Variants in RIMS2 observed in about 807,000 individuals in gnomAD.
RIMS2 encodes the protein regulating synaptic membrane exocytosis protein 2.
A neutral mutation model predicts 174.4 loss-of-function variants in RIMS2; 59 were observed. The ratio of observed to expected loss-of-function variants is 0.34; its 90% CI spans 0.27 to 0.42. The LOEUF (loss-of-function observed/expected upper bound fraction) is 0.42, where lower values mean the gene tolerates loss of function less well. Ranked by LOEUF, RIMS2 falls within the 10% of genes least tolerant of loss-of-function variation. The pLI is 1.00. For missense variants in RIMS2, 1,620 were observed against 1,666.3 expected, an observed-to-expected ratio of 0.97 and a Z score of 0.48; for synonymous variants, 606 against 572.5, an observed-to-expected ratio of 1.06 and a Z score of -0.84.
chr8:103,510,284 T>G (rs1051292121), intron 1 of RIMS2, among the ~76,000 whole-genome samples: 1 of 152,166 alleles, frequency 6.6e-6, no homozygotes. Context: ...TTCATCTTGT[T>G]TTGTTGGCAT....
intron 1 of RIMS2, among the ~76,000 whole-genome samples, chr8:103,555,456 A>G (rs1849977615): frequency 6.6e-6 from 1 of 152,176 alleles, no homozygotes; most frequent in African/African-American, 2.4e-5. Context: ...AACAGTATGG[A>G]GGTTCCTCAA....
rs576828596 is a variant in RIMS2 at position 103,797,949 on chromosome 8, T to G, written c.698+31412T>G. Among the ~76,000 whole-genome samples the G allele has an allele frequency of 2.6e-5, 4 of 152,266 alleles. No individual in the cohort carries two copies. In the South Asian group the frequency reaches 8.3e-4, roughly 32 times the overall value. ...AAAGTATCCTGGGGTTGACAATAAA[T>G]TACATGGTCTTCCTATTCTTCTTTG... On this transcript the variant is annotated intron_variant, in intron 3 of 23. Transcript: ENST00000504942.
At chr8:104,250,707 ATAAAT>A (rs1300560556) in intron 22 of RIMS2, among the ~76,000 whole-genome samples, 5 of 152,318 alleles carry the variant, frequency 3.3e-5, no homozygotes, top group African/African-American at 1.2e-4. Flanking sequence ...TTAAGTATTG[ATAAAT>A]TAAAGACTGA....
chr8:104,228,319 T>C lies in RIMS2; in HGVS notation c.3335-16597T>C, dbSNP rs547674029. Reference sequence around the variant, plus strand: ...CTGAGATTACAGGCATGAGCCACCGTGCCCGGCCTAGCTTCACTCTTTAAG... The same window carrying C: ...CTGAGATTACAGGCATGAGCCACCGCGCCCGGCCTAGCTTCACTCTTTAAG... On this transcript the variant is annotated intron_variant, in intron 19 of 23. Coordinates refer to ENST00000504942, the Ensembl canonical transcript of RIMS2. 1.9e-4 allele frequency among the ~76,000 whole-genome samples: 29 copies of C among 152,244 alleles called. No homozygotes were observed. In the East Asian group the frequency reaches 5.2e-3, roughly 27 times the overall value.
At chr8:104,207,286 G>A (rs1214665438) in intron 19 of RIMS2, among the ~76,000 whole-genome samples, 1 of 152,120 alleles carries the variant, frequency 6.6e-6, no homozygotes, top group African/African-American at 2.4e-5. Flanking sequence ...ATAGAGACTG[G>A]AAGATTTTAT....
intron 1 of RIMS2, among the ~76,000 whole-genome samples, chr8:103,557,906 G>A (rs960285787): frequency 2.0e-5 from 3 of 152,272 alleles, no homozygotes; most frequent in Admixed American, 6.5e-5. Context: ...CAGCTCTCCT[G>A]TAAATGAATG....
At chr8:103,514,445 A>C (rs955770941) in intron 1 of RIMS2, among the ~76,000 whole-genome samples, 11 of 152,230 alleles carry the variant, frequency 7.2e-5, no homozygotes, top group Non-Finnish European at 2.9e-5. Context: ...GATTGGGGGC[A>C]TCTACATGAA....
At chr8:104,168,858 G>A (rs141788508) in intron 19 of RIMS2, among the ~76,000 whole-genome samples, 2 of 152,066 alleles carry the variant, frequency 1.3e-5, no homozygotes, top group South Asian at 2.1e-4. Flanking sequence ...TATCATAAAG[G>A]GATGTTGGAT....
At chr8:103,500,961 G>C in exon 1 of RIMS2, 6 of 1,610,676 alleles carry the variant, frequency 3.7e-6, no homozygotes, top group Non-Finnish European at 5.1e-6. Flanking sequence ...TGCAGCCCGA[G>C]ATGCCTGACC....
chr8:103,991,930 G>T (rs372371542), intron 17 of RIMS2, among the ~76,000 whole-genome samples: 1 of 151,994 alleles, frequency 6.6e-6, no homozygotes, highest in East Asian at 1.9e-4. Context: ...ACTTTATTGA[G>T]TTGTGTAGAT....
chr8:104,053,451 G>T (rs2096821868), intron 19 of RIMS2, among the ~76,000 whole-genome samples: 1 of 152,050 alleles, frequency 6.6e-6, no homozygotes, highest in African/African-American at 2.4e-5. Flanking sequence ...TCTTCTCTTG[G>T]GAGATTCAGT....
Position 104,104,751 on chromosome 8 carries a change from GCACA to G in RIMS2, c.3334+90138_3334+90141del, listed in dbSNP as rs199537915. ...ACAAAAATTAGCCAGGCACAGTGGT[GCACA>G]CCTGTGGTCTGCTACTTGGGAGGCT... On this transcript the variant is annotated intron_variant, in intron 19 of 23. Coordinates refer to ENST00000504942, the Ensembl canonical transcript of RIMS2. Among the ~76,000 whole-genome samples, 1,131 of 152,078 alleles carry G rather than the reference GCACA, an allele frequency of 7.4e-3. 12 individuals carry two copies. The highest frequency in any genetic ancestry group is 0.026 in the African/African-American group (1,066 of 41,504).
At chr8:104,178,626 T>C (rs1312398940) in intron 19 of RIMS2, among the ~76,000 whole-genome samples, 1 of 152,164 alleles carries the variant, frequency 6.6e-6, no homozygotes, top group Non-Finnish European at 1.5e-5. Context: ...TTTAGAATTC[T>C]GCCTACCATA....
exon 10 of RIMS2, chr8:103,921,764 T>C: frequency 7.0e-7 from 1 of 1,430,248 alleles, no homozygotes; most frequent in South Asian, 1.1e-5. Flanking sequence ...TGTCCCACAG[T>C]TCTTATCAGG....
At chr8:103,918,982 T>C (rs926677698) in intron 9 of RIMS2, among the ~76,000 whole-genome samples, 1 of 152,228 alleles carries the variant, frequency 6.6e-6, no homozygotes, top group Non-Finnish European at 1.5e-5. Context: ...GAAAGTGGGA[T>C]AACAGTTCTG....
At chr8:103,656,676 T>C (rs1291283079) in intron 1 of RIMS2, among the ~76,000 whole-genome samples, 1 of 152,190 alleles carries the variant, frequency 6.6e-6, no homozygotes, top group African/African-American at 2.4e-5. Flanking sequence ...CCAACAACTT[T>C]TCTTAAATCC....
intron 16 of RIMS2, among the ~76,000 whole-genome samples, chr8:103,985,133 G>A (rs1411022612): frequency 6.6e-6 from 1 of 151,938 alleles, no homozygotes; most frequent in Non-Finnish European, 1.5e-5. Context: ...AGCACAACAG[G>A]GTGACTATAG....
In RIMS2 at chr8:103,931,412, A is replaced by G. The variant is rs753968435; in HGVS notation, c.2375+19A>G. ...ACAGAAGGTAAGGATATAAAACAAA[A>G]TAAATGTTCTGGAAAATAAATGAGA... On this transcript the variant is annotated intron_variant, in intron 12 of 23. Transcript: ENST00000504942. The G allele has an allele frequency of 3.9e-6, 6 of 1,527,172 alleles. No homozygotes were observed. Among genetic ancestry groups the G allele is most frequent in the Non-Finnish European group, 4.4e-6 (5 of 1,128,864 alleles). 94.6% of individuals were successfully genotyped at this position (1,527,172 alleles called of 1,614,324 possible). A position where few individuals can be genotyped will look rare whatever the true frequency, so the allele number is the denominator to read the frequency against.
At chr8:104,242,352 A>G (rs2099304957) in intron 19 of RIMS2, among the ~76,000 whole-genome samples, 1 of 152,158 alleles carries the variant, frequency 6.6e-6, no homozygotes, top group South Asian at 2.1e-4. Context: ...GTCATTATGC[A>G]CCTTAAAAAA....
Sources: allele counts gnomAD v4.1 joint callset (sites outside exome capture counted in the v4.1 genomes callset), GRCh38; gene constraint gnomAD v4.1.1; transcripts MANE v1.5; gene names NCBI Gene and HGNC (gene_info 2026-07-23, HGNC 2026-07-21).